The following RPH3A variants were observed in gnomAD, a reference collection of about 807,000 sequenced individuals.
RPH3A encodes the protein rabphilin 3A.
RPH3A carries 48 observed loss-of-function variants against 102.2 expected under a neutral mutation model. The observed-to-expected ratio is 0.47, with a 90% CI of 0.37 to 0.60. The LOEUF is 0.60. Among genes scored for constraint, RPH3A ranks in the 20% least tolerant of loss-of-function variants. The pLI is 0.00. For missense variants in RPH3A, 781 were observed against 910.1 expected (o/e 0.86, Z 1.83); for synonymous variants, 310 against 324.3 (o/e 0.96, Z 0.47).
chr12:112,736,270 C>T (rs2136051746), intron 1 of RPH3A, among the ~76,000 whole-genome samples: 1 of 152,306 alleles, frequency 6.6e-6, no homozygotes, highest in Non-Finnish European at 1.5e-5. Flanking sequence ...AGACATTGCC[C>T]AATGTCCCTG....
At chr12:112,688,415 T>C (rs983161109) in intron 1 of RPH3A, among the ~76,000 whole-genome samples, 6 of 152,166 alleles carry the variant, frequency 3.9e-5, no homozygotes, top group African/African-American at 1.4e-4. Flanking sequence ...TCAGAAGTGG[T>C]TTGGAATCAA....
At chr12:112,821,708 CT>C (rs1444772069) in intron 2 of RPH3A, among the ~76,000 whole-genome samples, 1 of 152,160 alleles carries the variant, frequency 6.6e-6, no homozygotes, top group Non-Finnish European at 1.5e-5. Context: ...CTCTAAAGCA[CT>C]CATCACCTGT....
In RPH3A at chr12:112,645,120, G is replaced by A. The variant is rs73417146; in HGVS notation, c.-140+69801G>A. 2.7e-3 allele frequency among the ~76,000 whole-genome samples: 409 copies of A among 152,270 alleles called. 4 individuals carry two copies. Among genetic ancestry groups the A allele is most frequent in the African/African-American group, 9.3e-3 (388 of 41,528 alleles). ...ATAGTCAAACAGAGAGATACCGTGA[G>A]AGTTGTTCAAAAAAATGAAGCTTAT... is the stretch of plus-strand genomic sequence containing the variant. On this transcript the variant is annotated intron_variant, in intron 1 of 21. Coordinates refer to the RPH3A transcript ENST00000543106.
chr12:112,828,681 A>G (rs1021976869), intron 3 of RPH3A, among the ~76,000 whole-genome samples: 1 of 152,190 alleles, frequency 6.6e-6, no homozygotes, highest in Non-Finnish European at 1.5e-5. Flanking sequence ...ATATGAGCTA[A>G]TTTACTGTGT....
At chr12:112,615,020 C>A (rs1056030753) in intron 1 of RPH3A, among the ~76,000 whole-genome samples, 2 of 152,080 alleles carry the variant, frequency 1.3e-5, no homozygotes, top group African/African-American at 4.8e-5. Context: ...AACAGAGGAA[C>A]AATTTACTGT....
intron 1 of RPH3A, among the ~76,000 whole-genome samples, chr12:112,575,908 C>T (rs1401281261): frequency 6.6e-6 from 1 of 152,192 alleles, no homozygotes; most frequent in East Asian, 1.9e-4. Flanking sequence ...GTCTCCGCCC[C>T]TCACCCCAAC....
At chr12:112,883,253 A>G (rs975796904) in intron 15 of RPH3A, 40 bp from the exon 16 acceptor site, 19 of 1,533,228 alleles carry the variant, frequency 1.2e-5, no homozygotes, top group Admixed American at 1.0e-4. Context: ...CTGGCTCCCC[A>G]CTGAGGTAGG....
At chr12:112,800,443 G>A (rs555267568) in intron 2 of RPH3A, among the ~76,000 whole-genome samples, 2 of 152,264 alleles carry the variant, frequency 1.3e-5, no homozygotes, top group South Asian at 2.1e-4. Context: ...CTCCAGATCT[G>A]GTTAGACAGG....
intron 1 of RPH3A, among the ~76,000 whole-genome samples, chr12:112,747,330 A>G (rs1397562278): frequency 6.6e-6 from 1 of 152,196 alleles, no homozygotes; most frequent in Non-Finnish European, 1.5e-5. Flanking sequence ...ATGTGAGGAC[A>G]CAGTGAAAAG....
chr12:112,621,998 CTGTCT>C (rs2039733527), intron 1 of RPH3A, among the ~76,000 whole-genome samples: 3 of 151,130 alleles, frequency 2.0e-5, no homozygotes, highest in African/African-American at 4.9e-5. Context: ...GCTGAGGGTC[CTGTCT>C]GTTAGAAGGA....
chr12:112,647,983 A>G (rs1028772124), intron 1 of RPH3A, among the ~76,000 whole-genome samples: 13 of 152,202 alleles, frequency 8.5e-5, no homozygotes, highest in African/African-American at 3.1e-4. Context: ...GAGACAATTC[A>G]GGCTATGTTT....
intron 2 of RPH3A, among the ~76,000 whole-genome samples, chr12:112,817,703 A>G (rs1222351375): frequency 6.6e-6 from 1 of 152,102 alleles, no homozygotes; most frequent in African/African-American, 2.4e-5. Context: ...TTTGCTTTTA[A>G]TTAGTGTTGT....
chr12:112,650,656 C>T (rs1227395361), intron 1 of RPH3A: 2 of 151,704 alleles, frequency 1.3e-5, no homozygotes, highest in African/African-American at 4.8e-5. Flanking sequence ...GTGCTGCATT[C>T]TAGTTTCTAG....
intron 14 of RPH3A, among the ~76,000 whole-genome samples, chr12:112,881,351 C>A (rs767597845): frequency 6.6e-6 from 1 of 152,128 alleles, no homozygotes; most frequent in African/African-American, 2.4e-5. Context: ...CTCCTTCCCC[C>A]GACCTTGCCT....
rs753156957 is a variant in RPH3A, at chr12:112,895,789, G to A, written c.1870G>A (p.Asp624Asn). 14 of 1,613,542 alleles carry A rather than the reference G, an allele frequency of 8.7e-6. No homozygotes were observed. The highest frequency in any genetic ancestry group is 1.2e-5 in the Non-Finnish European group (14 of 1,179,554). ...NPEFNEEFFY[D>N]IKHSDLAKKS... ...CTGTTGTATTCAGGAGTTTTTCTATGACATCAAACACAGTGACCTGGCAAA... is the reference window on the plus strand; with the variant it reads ...CTGTTGTATTCAGGAGTTTTTCTATAACATCAAACACAGTGACCTGGCAAA... Residue 624 changes from aspartate (D) to asparagine (N), a missense_variant, in exon 21 of 22, where the codon GAC (aspartate) becomes AAC (asparagine). This residue lies in a region of RPH3A where 51 missense variants were observed against 100.1 expected (regional missense o/e 0.51). Coordinates refer to ENST00000389385, the MANE Select transcript of RPH3A (RefSeq NM_001143854.2).
At chr12:112,751,781 A>G (rs1276938216) in intron 1 of RPH3A, among the ~76,000 whole-genome samples, 2 of 152,196 alleles carry the variant, frequency 1.3e-5, no homozygotes, top group Non-Finnish European at 2.9e-5. Context: ...AAATAAAAAT[A>G]TATGTATGAG....
At position 112,857,646 on chromosome 12, in the gene RPH3A, T is replaced by C. The variant is rs78782978; in HGVS notation, c.231-7768T>C. Reference sequence around the variant, plus strand: ...CCTGTCAATGCCTCCACTTTAGCCTTGACCTCTAGAGCTGTTAAGATACAT... The same window carrying C: ...CCTGTCAATGCCTCCACTTTAGCCTCGACCTCTAGAGCTGTTAAGATACAT... On this transcript the variant is annotated intron_variant, in intron 5 of 21. Coordinates refer to ENST00000389385, the MANE Select transcript of RPH3A (RefSeq NM_001143854.2). 4.6e-4 allele frequency among the ~76,000 whole-genome samples: 70 copies of C among 152,332 alleles called. 1 individual carries two copies. The East Asian group carries it at 0.013, about 28-fold the overall frequency.
At chr12:112,637,338 G>T (rs969016512) in intron 1 of RPH3A, among the ~76,000 whole-genome samples, 4 of 152,162 alleles carry the variant, frequency 2.6e-5, no homozygotes, top group African/African-American at 9.7e-5. Context: ...GTATGAGTCT[G>T]TGAGTACCTA....
intron 1 of RPH3A, among the ~76,000 whole-genome samples, chr12:112,633,885 A>C (rs1365198068): frequency 2.0e-5 from 3 of 152,046 alleles, no homozygotes; most frequent in Non-Finnish European, 4.4e-5. Flanking sequence ...TAAAATCTCC[A>C]TTGTCTTCCC....
Sources: gnomAD v4.1 joint callset for allele counts (sites outside exome capture counted in the v4.1 genomes callset) on GRCh38, gnomAD v4.1.1 for gene constraint, gnomAD v4.1.1 regional missense constraint, MANE v1.5 for transcripts, NCBI Gene and HGNC (gene_info 2026-07-23, HGNC 2026-07-21) for gene names.